The following ZNF385D variants were observed in gnomAD, a reference collection of about 807,000 sequenced individuals.
ZNF385D encodes the protein zinc finger protein 659.
ZNF385D carries 15 observed loss-of-function variants against 35.8 expected under a neutral mutation model. The ratio of observed to expected loss-of-function variants is 0.42; its 90% confidence interval spans 0.28 to 0.64. The LOEUF (loss-of-function observed/expected upper bound fraction) is 0.64, where lower values mean the gene tolerates loss of function less well. ZNF385D is among the 30% of genes least tolerant of loss of function. ZNF385D has a pLI of 0.23. For synonymous variants in ZNF385D, 212 were observed against 186.8 expected (o/e 1.13, Z -1.10); for missense variants, 474 against 494.6 (o/e 0.96, Z 0.39).
At chr3:22,203,382 C>A (rs1232649262) in intron 2 of ZNF385D, among the ~76,000 whole-genome samples, 1 of 152,116 alleles carries the variant, frequency 6.6e-6, no homozygotes, top group Non-Finnish European at 1.5e-5. Context: ...GAATTATAAG[C>A]AGTGGTAACC....
intron 2 of ZNF385D, among the ~76,000 whole-genome samples, chr3:22,296,070 T>C (rs1260026941): frequency 1.3e-5 from 2 of 152,148 alleles, no homozygotes; most frequent in Admixed American, 1.3e-4. Flanking sequence ...ATACCATCTA[T>C]CTAAATATCC....
chr3:22,081,660 T>C (rs1241625263), intron 3 of ZNF385D, among the ~76,000 whole-genome samples: 1 of 152,128 alleles, frequency 6.6e-6, no homozygotes, highest in Non-Finnish European at 1.5e-5. Flanking sequence ...TCTACCCTGT[T>C]TTTTACAAGT....
Position 22,019,067 on chromosome 3 carries a change from T to TTA in ZNF385D, c.325+149749_325+149750insTA, listed in dbSNP as rs1697069433. 5.6e-5 allele frequency among the ~76,000 whole-genome samples: 7 copies of TTA among 125,264 alleles called. 1 individual carries two copies. In the South Asian group the frequency reaches 7.8e-4, roughly 14 times the overall value. The allele number at this position is 125,264 out of a possible 152,430, so 82.2% of individuals were successfully genotyped here. A position where few individuals can be genotyped will look rare whatever the true frequency, so the allele number is the denominator to read the frequency against. ...TTTTTTTTTTTTTTTTTTTTTTTTT[T>TTA]ATGAAGGAGGCTATCCCTGTAGGGT... is the stretch of plus-strand genomic sequence containing the variant. On this transcript the variant is annotated intron_variant, in intron 3 of 5. Coordinates refer to the ZNF385D transcript ENST00000494108.
chr3:21,424,521 G>T (rs981368237), intron 6 of ZNF385D, among the ~76,000 whole-genome samples: 1 of 149,712 alleles, frequency 6.7e-6, no homozygotes, highest in Admixed American at 6.7e-5. Flanking sequence ...CACCATCTTG[G>T]CCAGGCTGGT....
chr3:21,663,519 G>A (rs976571608), intron 2 of ZNF385D, among the ~76,000 whole-genome samples: 1 of 152,102 alleles, frequency 6.6e-6, no homozygotes, highest in East Asian at 1.9e-4. Context: ...CTTAACAGAA[G>A]AGCAGGCAAG....
At chr3:21,858,445 T>G (rs1696858476) in intron 3 of ZNF385D, among the ~76,000 whole-genome samples, 1 of 150,942 alleles carries the variant, frequency 6.6e-6, no homozygotes, top group Admixed American at 6.6e-5. Context: ...GTGATAGTAT[T>G]AAAAGGTGGG....
chr3:21,508,506 C>T (rs1706955845), intron 4 of ZNF385D, among the ~76,000 whole-genome samples: 2 of 152,052 alleles, frequency 1.3e-5, no homozygotes, highest in Non-Finnish European at 2.9e-5. Flanking sequence ...ACCAGACTGC[C>T]TCCCCCTTCC....
intron 2 of ZNF385D, among the ~76,000 whole-genome samples, chr3:22,311,998 A>T (rs1427748043): frequency 6.6e-6 from 1 of 152,122 alleles, no homozygotes; most frequent in Non-Finnish European, 1.5e-5. Flanking sequence ...GAGGCATTAG[A>T]ATCCTACAAT....
intron 1 of ZNF385D, among the ~76,000 whole-genome samples, chr3:21,711,469 C>T (rs1359408291): frequency 2.0e-5 from 3 of 152,130 alleles, no homozygotes; most frequent in Admixed American, 6.5e-5. Flanking sequence ...TGATTCACCT[C>T]ACTCGCTTCA....
At chr3:22,167,126 G>C (rs112149218) in intron 3 of ZNF385D, among the ~76,000 whole-genome samples, 3,464 of 152,296 alleles carry the variant, frequency 0.023, 141 homozygotes, top group African/African-American at 0.079. Context: ...CTTAAAGCCT[G>C]AAAGCCAAGC....
chr3:22,034,623 A>C (rs1403074776), intron 3 of ZNF385D, among the ~76,000 whole-genome samples: 1 of 152,200 alleles, frequency 6.6e-6, no homozygotes, highest in Non-Finnish European at 1.5e-5. Flanking sequence ...AAAGAAATAG[A>C]TGTTGGAGCT....
intron 4 of ZNF385D, among the ~76,000 whole-genome samples, chr3:21,474,562 C>A (rs1226936329): frequency 2.6e-5 from 4 of 152,050 alleles, no homozygotes; most frequent in Admixed American, 6.6e-5. Flanking sequence ...CACAAATGAG[C>A]CTTTATCCTA....
At chr3:22,307,746 T>A (rs1361779954) in intron 2 of ZNF385D, among the ~76,000 whole-genome samples, 233 of 144,616 alleles carry the variant, frequency 1.6e-3, no homozygotes, top group African/African-American at 5.0e-3. Flanking sequence ...GCCTCTGTTT[T>A]AAAAAAAAAA....
At chr3:22,106,881 TAA>T (rs1043008931) in intron 3 of ZNF385D, among the ~76,000 whole-genome samples, 7 of 152,146 alleles carry the variant, frequency 4.6e-5, no homozygotes, top group African/African-American at 1.7e-4. Context: ...TCATTCTTCA[TAA>T]GAGTGGTCAC....
chr3:21,593,842 G>GA (rs751630413), intron 2 of ZNF385D, among the ~76,000 whole-genome samples: 1 of 151,718 alleles, frequency 6.6e-6, no homozygotes, highest in Non-Finnish European at 1.5e-5. Context: ...GAGGTTCTTG[G>GA]GGAGGCAAAA....
chr3:21,963,989 C>T (rs1009233964), intron 3 of ZNF385D, among the ~76,000 whole-genome samples: 5 of 152,012 alleles, frequency 3.3e-5, no homozygotes, highest in Admixed American at 1.3e-4. Context: ...GACATTAGTA[C>T]AAAAGCGACT....
At chr3:21,690,962 C>T (rs562825131) in intron 1 of ZNF385D, among the ~76,000 whole-genome samples, 25 of 152,288 alleles carry the variant, frequency 1.6e-4, no homozygotes, top group African/African-American at 5.8e-4. Flanking sequence ...GTTCTACCCT[C>T]GGATAGAAAT....
At chr3:22,147,096 C>T (rs1289700164) in intron 3 of ZNF385D, among the ~76,000 whole-genome samples, 1 of 152,174 alleles carries the variant, frequency 6.6e-6, no homozygotes, top group Admixed American at 6.5e-5. Flanking sequence ...TGACATTCTA[C>T]AAATGCTTGT....
intron 3 of ZNF385D, among the ~76,000 whole-genome samples, chr3:21,559,652 C>T (rs1357201579): frequency 6.6e-6 from 1 of 152,084 alleles, no homozygotes; most frequent in African/African-American, 2.4e-5. Context: ...GGTTGCTCTT[C>T]TCAAGGAGTA....
Sources: allele counts gnomAD v4.1 joint callset (sites outside exome capture counted in the v4.1 genomes callset), GRCh38; gene constraint gnomAD v4.1.1; transcripts MANE v1.5; gene names NCBI Gene and HGNC (gene_info 2026-07-23, HGNC 2026-07-21).